The following ANO1 variants were observed in gnomAD, a reference collection of about 807,000 sequenced individuals.
ANO1 encodes anoctamin 1.
A neutral mutation model predicts 124.0 loss-of-function variants in ANO1; 59 were observed. The ratio of observed to expected loss-of-function variants is 0.48; its 90% CI spans 0.39 to 0.59. The LOEUF is 0.59. Ranked by LOEUF, ANO1 falls within the 20% of genes least tolerant of loss-of-function variation. The probability of loss-of-function intolerance (pLI) is 0.00; values close to 1 mark genes in which losing one functional copy is unlikely to be tolerated. For synonymous variants in ANO1, 529 were observed against 532.0 expected (o/e 0.99, Z 0.08); for missense variants, 1,059 against 1,328.0 (o/e 0.80, Z 3.15).
Position 70,103,140 on chromosome 11 carries a change from G to A in ANO1, c.516G>A (p.Leu172=), listed in dbSNP as rs1219713292. 1 of 1,612,178 alleles carries A rather than the reference G, an allele frequency of 6.2e-7. No homozygotes were observed. Among genetic ancestry groups the A allele is most frequent in the Non-Finnish European group, 8.5e-7 (1 of 1,179,216 alleles). Residue 172 remains leucine (L), a synonymous_variant, in exon 3 of 26, where the codon CTG becomes CTA. Transcript: ENST00000355303. ...WNVLCREAEF[L]KLKMPTKKMY... The stretch of plus-strand genomic sequence containing the variant: ...TGCTGTGCAGAGAGGCCGAGTTTCT[G>A]AAACTGAAGATGCCGACGAAGAAGG...
chr11:70,090,578 T>TTG (rs2044588139), intron 2 of ANO1, among the ~76,000 whole-genome samples: 1 of 152,186 alleles, frequency 6.6e-6, no homozygotes, highest in Non-Finnish European at 1.5e-5. Flanking sequence ...TTGGCTGATA[T>TTG]TGTGTCATAT....
At chr11:69,983,269 C>A (rs1248442872), upstream of ANO1, among the ~76,000 whole-genome samples, 1 of 152,284 alleles carries the variant, frequency 6.6e-6, no homozygotes, top group African/African-American at 2.4e-5. Context: ...CTATTTTAAA[C>A]CCCGCCCAAT....
At chr11:70,152,574 C>G in intron 13 of ANO1, 113 bp downstream of exon 13, 2 of 1,270,376 alleles carry the variant, frequency 1.6e-6, no homozygotes, top group Non-Finnish European at 2.3e-6. Flanking sequence ...TTCCTCCACG[C>G]GGGTGGGGTC....
At chr11:69,982,576 A>G (rs1361546326), upstream of ANO1, among the ~76,000 whole-genome samples, 1 of 152,224 alleles carries the variant, frequency 6.6e-6, no homozygotes, top group Non-Finnish European at 1.5e-5. Flanking sequence ...TGGAAGCTGA[A>G]TTCTTGTCCT....
chr11:70,108,456 T>C, intron 6 of ANO1, 52 bp downstream of exon 6: 1 of 1,582,590 alleles, frequency 6.3e-7, no homozygotes, highest in South Asian at 1.1e-5. Context: ...AGTCGGAATC[T>C]CACCTCCGAG....
At chr11:70,168,753 G>C (rs2048346498) in intron 21 of ANO1, among the ~76,000 whole-genome samples, 1 of 152,130 alleles carries the variant, frequency 6.6e-6, no homozygotes, top group Non-Finnish European at 1.5e-5. Context: ...TTTAAAAAGG[G>C]CCTGGGGGTA....
intron 1 of ANO1, among the ~76,000 whole-genome samples, chr11:69,987,460 G>A (rs1856065489): frequency 6.6e-6 from 1 of 152,210 alleles, no homozygotes; most frequent in African/African-American, 2.4e-5. Context: ...CACACAGCCA[G>A]TAACTGATGG....
At chr11:70,073,647 T>C (rs1002437365), upstream of ANO1, among the ~76,000 whole-genome samples, 33 of 152,134 alleles carry the variant, frequency 2.2e-4, no homozygotes, top group African/African-American at 7.2e-4. Flanking sequence ...GGATGCCGTC[T>C]GAGCTGGACC....
At chr11:70,153,382 C>G (rs1012692061) in intron 14 of ANO1, among the ~76,000 whole-genome samples, 37 of 152,336 alleles carry the variant, frequency 2.4e-4, no homozygotes, top group African/African-American at 7.2e-4. Context: ...GGCCAAAGGG[C>G]TATAGTTTGT....
intron 1 of ANO1, among the ~76,000 whole-genome samples, chr11:70,017,426 C>CTTCCTTCCTTCCTTCCTTCA (rs1389582631): frequency 6.2e-4 from 20 of 32,358 alleles, no homozygotes; most frequent in African/African-American, 2.0e-3. Context: ...CAACAGTTTT[C>CTTCCTTCCTTCCTTCCTTCA]TTCCTTCCTT....
intron 1 of ANO1, among the ~76,000 whole-genome samples, chr11:70,024,405 G>A (rs1412095838): frequency 6.6e-6 from 1 of 152,178 alleles, no homozygotes; most frequent in Non-Finnish European, 1.5e-5. Context: ...CACAAGGGAG[G>A]GAGTGAGTGC....
At chr11:70,157,713 C>T (rs566027414) in intron 16 of ANO1, among the ~76,000 whole-genome samples, 4 of 152,120 alleles carry the variant, frequency 2.6e-5, no homozygotes, top group South Asian at 2.1e-4. Context: ...TTAAATGGGC[C>T]GGGTGCAGTG....
intron 1 of ANO1, among the ~76,000 whole-genome samples, chr11:70,042,593 A>G (rs925562438): frequency 4.6e-5 from 7 of 152,150 alleles, no homozygotes; most frequent in Middle Eastern, 3.4e-3. Flanking sequence ...GGTGCCCTTA[A>G]GTCTTTGGCT....
chr11:69,993,648 G>T (rs1184287261), intron 1 of ANO1, among the ~76,000 whole-genome samples: 1 of 152,188 alleles, frequency 6.6e-6, no homozygotes, highest in Non-Finnish European at 1.5e-5. Flanking sequence ...CCCTTGGTTT[G>T]TGTCCCCACT....
At chr11:69,987,604 C>CAAAAAAAAAAA (rs202001305) in intron 1 of ANO1, among the ~76,000 whole-genome samples, 1 of 109,724 alleles carries the variant, frequency 9.1e-6, no homozygotes, top group African/African-American at 4.3e-5. Flanking sequence ...GACCATGTCT[C>CAAAAAAAAAAA]AAAAAAAAAA....
At chr11:70,076,696 T>C (rs2044062261), upstream of ANO1, among the ~76,000 whole-genome samples, 1 of 152,140 alleles carries the variant, frequency 6.6e-6, no homozygotes, top group Non-Finnish European at 1.5e-5. Context: ...CTCCAAACCC[T>C]CTCTCGCTGT....
At chr11:70,090,407 G>C (rs937916386) in intron 2 of ANO1, among the ~76,000 whole-genome samples, 10 of 152,158 alleles carry the variant, frequency 6.6e-5, no homozygotes, top group African/African-American at 2.4e-4. Context: ...AATTCTGACT[G>C]ACTTCTGCCA....
At chr11:70,159,814 G>T (rs1311386460) in intron 16 of ANO1, among the ~76,000 whole-genome samples, 2 of 152,206 alleles carry the variant, frequency 1.3e-5, no homozygotes, top group Non-Finnish European at 2.9e-5. Context: ...GCAGGACCGA[G>T]GGGTTTTCCA....
At chr11:70,097,033 C>T (rs1372074840) in intron 2 of ANO1, among the ~76,000 whole-genome samples, 1 of 152,116 alleles carries the variant, frequency 6.6e-6, no homozygotes, top group East Asian at 1.9e-4. Flanking sequence ...TCCTGTGGTG[C>T]ATTCTTTACT....
Sources: gnomAD v4.1 joint callset for allele counts (sites outside exome capture counted in the v4.1 genomes callset) on GRCh38, gnomAD v4.1.1 for gene constraint, MANE v1.5 for transcripts, NCBI Gene and HGNC (gene_info 2026-07-23, HGNC 2026-07-21) for gene names.